ZNF618: variants seen among roughly 807,000 people sequenced by gnomAD.
ZNF618 encodes the protein neural precursor cell expressed, developmentally down-regulated 10.
In ZNF618, 34 loss-of-function variants were observed where a neutral mutation model predicts 103.0. The observed-to-expected ratio is 0.33, with a 90% CI of 0.25 to 0.44. ZNF618 has a LOEUF of 0.44. Among genes scored for constraint, ZNF618 ranks in the 20% least tolerant of loss-of-function variants. The pLI is 1.00. For missense variants in ZNF618, 1,059 were observed against 1,295.4 expected, an observed-to-expected ratio of 0.82 and a Z score of 2.80; for synonymous variants, 551 against 542.2, an observed-to-expected ratio of 1.02 and a Z score of -0.23.
At chr9:113,880,735 A>C (rs557097807) in intron 1 of ZNF618, among the ~76,000 whole-genome samples, 1 of 152,362 alleles carries the variant, frequency 6.6e-6, no homozygotes, top group Non-Finnish European at 1.5e-5. Context: ...TCCTCTCATG[A>C]AACTTGTATT....
chr9:113,968,375 A>T (rs1036233038), intron 1 of ZNF618, among the ~76,000 whole-genome samples: 2 of 152,216 alleles, frequency 1.3e-5, no homozygotes, highest in African/African-American at 4.8e-5. Context: ...GATTCTTATT[A>T]GAAGTGTTTT....
intron 1 of ZNF618, among the ~76,000 whole-genome samples, chr9:113,962,632 G>A (rs928030951): frequency 6.6e-6 from 1 of 152,216 alleles, no homozygotes; most frequent in East Asian, 1.9e-4. Flanking sequence ...CTGTCCTGGG[G>A]TCATTTGCAC....
chr9:113,938,583 T>C (rs1009132328), intron 1 of ZNF618, among the ~76,000 whole-genome samples: 5 of 150,610 alleles, frequency 3.3e-5, no homozygotes, highest in Non-Finnish European at 5.9e-5. Flanking sequence ...TTTTTTTTTT[T>C]TTTGAGATGG....
intron 6 of ZNF618, among the ~76,000 whole-genome samples, chr9:114,003,880 C>T (rs567916078): frequency 4.6e-5 from 7 of 152,246 alleles, no homozygotes; most frequent in Admixed American, 2.0e-4. Flanking sequence ...CAGACGTCTC[C>T]GTCGCAAGTA....
At chr9:114,002,557 C>A in intron 5 of ZNF618, 67 bp from the exon 6 acceptor site, 1 of 768,292 alleles carries the variant, frequency 1.3e-6, no homozygotes, top group South Asian at 2.4e-5. Flanking sequence ...TTCTCTTTTG[C>A]ACTTGGCACT....
rs544839278 is a variant in ZNF618 at position 114,027,416 on chromosome 9, C to T, written c.845-1317C>T. Among the ~76,000 whole-genome samples, 27 of 152,322 alleles carry T rather than the reference C, an allele frequency of 1.8e-4. No individual in the cohort carries two copies. In the South Asian group the frequency reaches 4.6e-3, roughly 26 times the overall value. On this transcript the variant is annotated intron_variant, in intron 10 of 14. Transcript: ENST00000374126. ...GAACTCCCTGCTCCCAGCACGTGGCCACCACTGTAGGCGAGGAGTGGGTGA... is the reference window on the plus strand; with the variant it reads ...GAACTCCCTGCTCCCAGCACGTGGCTACCACTGTAGGCGAGGAGTGGGTGA...
At chr9:113,948,227 C>G (rs888740484) in intron 1 of ZNF618, among the ~76,000 whole-genome samples, 1 of 152,166 alleles carries the variant, frequency 6.6e-6, no homozygotes, top group African/African-American at 2.4e-5. Flanking sequence ...CATTGTCAAC[C>G]CTGGATGGGT....
chr9:113,949,880 C>T (rs549929836), intron 1 of ZNF618, among the ~76,000 whole-genome samples: 34 of 152,352 alleles, frequency 2.2e-4, no homozygotes, highest in African/African-American at 5.5e-4. Context: ...CGTTCCCTGC[C>T]CAGCCAGGCG....
chr9:113,985,612 C>T (rs1465800638), intron 2 of ZNF618, among the ~76,000 whole-genome samples: 1 of 152,222 alleles, frequency 6.6e-6, no homozygotes, highest in Non-Finnish European at 1.5e-5. Context: ...TCCTCCTGCT[C>T]ACCCACGAGC....
chr9:114,007,496 C>A, intron 7 of ZNF618, 57 bp downstream of exon 7: 2 of 1,541,786 alleles, frequency 1.3e-6, no homozygotes, highest in Non-Finnish European at 8.9e-7. Context: ...TCCTTGGAGA[C>A]ACCAGCCCCC....
At chr9:113,954,479 G>T (rs1490741281) in intron 1 of ZNF618, among the ~76,000 whole-genome samples, 1 of 152,188 alleles carries the variant, frequency 6.6e-6, no homozygotes, top group East Asian at 1.9e-4. Flanking sequence ...GACTTCCAGA[G>T]TTCTTTAAAC....
At chr9:113,921,064 A>G (rs548327849) in intron 1 of ZNF618, among the ~76,000 whole-genome samples, 2 of 152,360 alleles carry the variant, frequency 1.3e-5, no homozygotes, top group South Asian at 2.1e-4. Flanking sequence ...TGTGTCTCTT[A>G]GAACCTGACA....
intron 4 of ZNF618, among the ~76,000 whole-genome samples, chr9:114,000,397 G>A (rs549000185): frequency 3.3e-5 from 5 of 152,316 alleles, no homozygotes; most frequent in African/African-American, 1.2e-4. Flanking sequence ...TCCAGCCCAC[G>A]GCCCGTGACC....
At chr9:113,959,653 G>A (rs1836655509) in intron 1 of ZNF618, among the ~76,000 whole-genome samples, 1 of 152,252 alleles carries the variant, frequency 6.6e-6, no homozygotes, top group East Asian at 1.9e-4. Flanking sequence ...CGTTGCCCAA[G>A]TTGGAGTGCA....
At chr9:113,931,615 C>T (rs1217349467) in intron 1 of ZNF618, among the ~76,000 whole-genome samples, 1 of 152,144 alleles carries the variant, frequency 6.6e-6, no homozygotes, top group Non-Finnish European at 1.5e-5. Flanking sequence ...GATACAGTAG[C>T]CACAAGCCAC....
intron 1 of ZNF618, among the ~76,000 whole-genome samples, chr9:113,931,161 G>T (rs1323618748): frequency 6.6e-6 from 1 of 152,242 alleles, no homozygotes; most frequent in East Asian, 1.9e-4. Flanking sequence ...GTGGGCAGAA[G>T]TGGGGAGTGA....
intron 1 of ZNF618, among the ~76,000 whole-genome samples, chr9:113,923,046 TA>T (rs1564175083): frequency 6.6e-6 from 1 of 152,232 alleles, no homozygotes; most frequent in African/African-American, 2.4e-5. Context: ...CCTACGTTTT[TA>T]TTTTTTTGGC....
Position 113,982,927 on chromosome 9 carries a change from C to T in ZNF618, c.78-5394C>T, listed in dbSNP as rs137949249. Among the ~76,000 whole-genome samples, 30 of 152,300 alleles carry T rather than the reference C, an allele frequency of 2.0e-4. No homozygotes were observed. The South Asian group carries it at 3.9e-3, about 20-fold the overall frequency. On this transcript the variant is annotated intron_variant, in intron 2 of 14. Coordinates refer to ENST00000374126, the MANE Select transcript of ZNF618 (RefSeq NM_001318042.2). ...TTGCACAATTAGTAACCGGTGACCACGGATAGCAGGTACTTACTGAAAAAT... is the reference window on the plus strand; with the variant it reads ...TTGCACAATTAGTAACCGGTGACCATGGATAGCAGGTACTTACTGAAAAAT...
chr9:113,951,587 G>GTGTGTGTA (rs1835777766), intron 1 of ZNF618, among the ~76,000 whole-genome samples: 8 of 68,526 alleles, frequency 1.2e-4, no homozygotes, highest in African/African-American at 3.7e-4. Context: ...ATGTGTGTGT[G>GTGTGTGTA]TGTGTGTGTG....
Sources: allele counts gnomAD v4.1 joint callset (sites outside exome capture counted in the v4.1 genomes callset), GRCh38; gene constraint gnomAD v4.1.1; transcripts MANE v1.5; gene names NCBI Gene and HGNC (gene_info 2026-07-23, HGNC 2026-07-21).